CNTN4: variants seen among roughly 807,000 people sequenced by gnomAD.
CNTN4 encodes the protein contactin 4.
CNTN4 carries 77 observed loss-of-function variants against 122.5 expected under a neutral mutation model. That is an observed-to-expected ratio of 0.63 (90% CI 0.52 to 0.76). The LOEUF is 0.76. CNTN4 is among the 30% of genes least tolerant of loss of function. The probability of loss-of-function intolerance (pLI) is 0.00; values close to 1 mark genes in which losing one functional copy is unlikely to be tolerated. For missense variants in CNTN4, 1,256 were observed against 1,259.1 expected, an observed-to-expected ratio of 1.00 and a Z score of 0.04; for synonymous variants, 512 against 447.0, an observed-to-expected ratio of 1.15 and a Z score of -1.83.
At chr3:2,112,773 T>C (rs536160430) in intron 2 of CNTN4, among the ~76,000 whole-genome samples, 12 of 152,300 alleles carry the variant, frequency 7.9e-5, no homozygotes, top group Admixed American at 7.2e-4. Flanking sequence ...TTTTACATTT[T>C]TTTCTTCTGG....
At chr3:2,726,824 G>A (rs2088259864) in intron 4 of CNTN4, among the ~76,000 whole-genome samples, 1 of 152,194 alleles carries the variant, frequency 6.6e-6, no homozygotes, top group Admixed American at 6.5e-5. Flanking sequence ...GTGAACTGTG[G>A]GCTTTAGTTA....
At chr3:2,438,301 C>T (rs1347190863) in intron 3 of CNTN4, among the ~76,000 whole-genome samples, 3 of 152,198 alleles carry the variant, frequency 2.0e-5, no homozygotes, top group Non-Finnish European at 4.4e-5. Flanking sequence ...AGGCGGATCA[C>T]CTGAGGTGTC....
intron 13 of CNTN4, among the ~76,000 whole-genome samples, chr3:2,960,611 A>T (rs950166425): frequency 1.3e-5 from 2 of 152,208 alleles, no homozygotes; most frequent in South Asian, 4.1e-4. Flanking sequence ...CCAAAAGAGA[A>T]ATCGGCAAGC....
chr3:2,782,391 C>A (rs2091630984), intron 6 of CNTN4, among the ~76,000 whole-genome samples: 2 of 151,592 alleles, frequency 1.3e-5, no homozygotes, highest in South Asian at 4.2e-4. Context: ...CATCTTTTCA[C>A]TAAAGAGCTT....
At chr3:2,341,109 C>A (rs1020769955) in intron 3 of CNTN4, among the ~76,000 whole-genome samples, 7 of 152,290 alleles carry the variant, frequency 4.6e-5, no homozygotes, top group Middle Eastern at 3.4e-3. Flanking sequence ...CTTGCTTTTA[C>A]TTACTCTGTT....
intron 2 of CNTN4, among the ~76,000 whole-genome samples, chr3:2,169,591 G>A (rs1182696399): frequency 6.6e-6 from 1 of 151,808 alleles, no homozygotes; most frequent in Non-Finnish European, 1.5e-5. Context: ...TAGAGACGGG[G>A]TTTCACCCTG....
At chr3:2,607,406 G>A (rs1425751819) in intron 4 of CNTN4, among the ~76,000 whole-genome samples, 5 of 151,848 alleles carry the variant, frequency 3.3e-5, no homozygotes, top group Non-Finnish European at 4.4e-5. Context: ...ATACAAAAAG[G>A]GAATGAATAA....
chr3:2,892,780 A>C (rs1372273980), intron 10 of CNTN4, among the ~76,000 whole-genome samples: 1 of 152,214 alleles, frequency 6.6e-6, no homozygotes, highest in Non-Finnish European at 1.5e-5. Flanking sequence ...AGCAGTAAAC[A>C]AGGCTGTATT....
intron 3 of CNTN4, among the ~76,000 whole-genome samples, chr3:2,539,902 A>G (rs185913325): frequency 5.3e-5 from 8 of 151,962 alleles, no homozygotes; most frequent in African/African-American, 1.2e-4. Context: ...TGATTACTCA[A>G]CTCTTGCAGT....
intron 3 of CNTN4, among the ~76,000 whole-genome samples, chr3:2,383,192 T>C (rs546698423): frequency 6.6e-5 from 10 of 152,342 alleles, no homozygotes; most frequent in East Asian, 1.9e-4. Context: ...CCCAGACTTA[T>C]ATGAGCATAT....
At chr3:2,356,504 C>T (rs974557108) in intron 3 of CNTN4, among the ~76,000 whole-genome samples, 21 of 152,216 alleles carry the variant, frequency 1.4e-4, no homozygotes, top group South Asian at 6.2e-4. Flanking sequence ...TTATAATTAG[C>T]GTATAATGAG....
intron 4 of CNTN4, among the ~76,000 whole-genome samples, chr3:2,592,417 GT>G (rs1176966927): frequency 1.3e-5 from 2 of 152,178 alleles, no homozygotes; most frequent in African/African-American, 4.8e-5. Context: ...TTGGTTCTGT[GT>G]CCCCACCCAA....
Position 2,624,058 on chromosome 3 carries a change from T to A in CNTN4, c.55+52500T>A, listed in dbSNP as rs139331750. 2.6e-4 allele frequency among the ~76,000 whole-genome samples: 39 copies of A among 152,360 alleles called. No homozygotes were observed. In the East Asian group the frequency reaches 6.7e-3, roughly 26 times the overall value. ...ATTTCTTCATATATATCTCAAAATA[T>A]TGTTTATGCCATTCACTACTTTGAA... On this transcript the variant is annotated intron_variant, in intron 4 of 24. Transcript: ENST00000418658.
At chr3:2,369,125 A>G (rs978473714) in intron 3 of CNTN4, among the ~76,000 whole-genome samples, 2 of 151,930 alleles carry the variant, frequency 1.3e-5, no homozygotes, top group African/African-American at 4.8e-5. Flanking sequence ...CAGTTTAACC[A>G]TGTTGGCCAG....
At chr3:2,807,391 A>G (rs546677291) in intron 6 of CNTN4, among the ~76,000 whole-genome samples, 45 of 152,314 alleles carry the variant, frequency 3.0e-4, no homozygotes, top group African/African-American at 1.1e-3. Flanking sequence ...TGAGATAAAA[A>G]TATATGGTTG....
chr3:2,498,773 C>T (rs547235754), intron 3 of CNTN4, among the ~76,000 whole-genome samples: 1 of 151,988 alleles, frequency 6.6e-6, no homozygotes, highest in African/African-American at 2.4e-5. Flanking sequence ...TGAGCCACTG[C>T]AATTTTTCCT....
chr3:2,545,360 A>G (rs2078200743), intron 3 of CNTN4, among the ~76,000 whole-genome samples: 1 of 152,088 alleles, frequency 6.6e-6, no homozygotes, highest in Non-Finnish European at 1.5e-5. Context: ...AGAGTTCTGT[A>G]GATGTCTTTT....
chr3:2,973,882 A>G lies in CNTN4; in HGVS notation c.1359-14463A>G, dbSNP rs578116771. Among the ~76,000 whole-genome samples the G allele has an allele frequency of 1.2e-4, 19 of 152,324 alleles. No homozygotes were observed. In the South Asian group the frequency reaches 3.5e-3, roughly 28 times the overall value. The stretch of plus-strand genomic sequence containing the variant: ...AACACAGTTTATACTTATTCATACC[A>G]TTGTAAGAGGAAGTTGATCATGGGA... On this transcript the variant is annotated intron_variant, in intron 13 of 24. Coordinates refer to ENST00000418658, the MANE Select transcript of CNTN4 (RefSeq NM_175607.3).
rs79878895 is a variant in CNTN4, at chr3:2,793,750, A to G, written c.359-25736A>G. ...GCTACCTAGGAAAAATAACAGAAAA[A>G]GTAACCATTTCTTGCCTTGATTACA... On this transcript the variant is annotated intron_variant, in intron 6 of 24. Transcript: ENST00000418658. Among the ~76,000 whole-genome samples the G allele has an allele frequency of 6.0e-3, 918 of 152,312 alleles. 11 individuals carry two copies. Among genetic ancestry groups the G allele is most frequent in the African/African-American group, 0.02 (824 of 41,570 alleles).
Sources: gnomAD v4.1 joint callset for allele counts (sites outside exome capture counted in the v4.1 genomes callset) on GRCh38, gnomAD v4.1.1 for gene constraint, MANE v1.5 for transcripts, NCBI Gene and HGNC (gene_info 2026-07-23, HGNC 2026-07-21) for gene names.